RASGEF1A: variants seen among roughly 807,000 people sequenced by gnomAD.
The protein encoded by RASGEF1A is RasGEF domain family member 1A, also known as ras-GEF domain-containing family member 1A.
In RASGEF1A, 18 loss-of-function variants were observed where a neutral mutation model predicts 56.4. That is an observed-to-expected ratio of 0.32 (90% CI 0.22 to 0.47). The LOEUF (loss-of-function observed/expected upper bound fraction) is 0.47, where lower values mean the gene tolerates loss of function less well. RASGEF1A is among the 20% of genes least tolerant of loss of function. The pLI, the probability that RASGEF1A is intolerant of heterozygous loss-of-function variation, is 1.00. For synonymous variants in RASGEF1A, 245 were observed against 242.6 expected (o/e 1.01, Z -0.09); for missense variants, 422 against 627.1 (o/e 0.67, Z 3.49).
At chr10:43,237,845 A>G (rs978129265) in intron 1 of RASGEF1A, among the ~76,000 whole-genome samples, 1 of 152,140 alleles carries the variant, frequency 6.6e-6, no homozygotes, top group Admixed American at 6.5e-5. Flanking sequence ...TCTCTGCCTG[A>G]ATGTCCCAGG....
At chr10:43,218,412 G>A (rs1387468160) in intron 1 of RASGEF1A, among the ~76,000 whole-genome samples, 1 of 152,252 alleles carries the variant, frequency 6.6e-6, no homozygotes, top group East Asian at 1.9e-4. Context: ...AGCTGGCTCT[G>A]GTCTAGGGAT....
At chr10:43,208,145 C>T in intron 1 of RASGEF1A, 1 of 985,468 alleles carries the variant, frequency 1.0e-6, no homozygotes, top group African/African-American at 1.7e-5. Context: ...GACAACCTCC[C>T]CAAGATCACA....
At chr10:43,207,847 G>C in intron 1 of RASGEF1A, 1 of 541,336 alleles carries the variant, frequency 1.8e-6, no homozygotes, top group Non-Finnish European at 2.4e-6. Flanking sequence ...TCATTTTTCA[G>C]ATGGTGAAAC....
At chr10:43,251,554 C>T (rs575052932) in intron 1 of RASGEF1A, among the ~76,000 whole-genome samples, 3 of 152,286 alleles carry the variant, frequency 2.0e-5, no homozygotes, top group East Asian at 3.9e-4. Flanking sequence ...GCATGATGGA[C>T]GCCAGCCGCT....
At chr10:43,216,566 C>T (rs572014745) in intron 1 of RASGEF1A, among the ~76,000 whole-genome samples, 1 of 152,310 alleles carries the variant, frequency 6.6e-6, no homozygotes, top group African/African-American at 2.4e-5. Context: ...GGCCCTTTGC[C>T]TTAGTGAGGA....
chr10:43,211,143 TC>T (rs1840063791), intron 1 of RASGEF1A, among the ~76,000 whole-genome samples: 1 of 152,198 alleles, frequency 6.6e-6, no homozygotes, highest in African/African-American at 2.4e-5. Context: ...ACTCACTGTC[TC>T]CTGGAGGACG....
chr10:43,259,730 C>T (rs1020288035), intron 1 of RASGEF1A, among the ~76,000 whole-genome samples: 5 of 152,182 alleles, frequency 3.3e-5, no homozygotes, highest in Admixed American at 6.5e-5. Flanking sequence ...CACCGCTGCA[C>T]GTTCAGGGGC....
Position 43,196,541 on chromosome 10 carries a change from G to A in RASGEF1A, c.1356C>T (p.Phe452=), listed in dbSNP as rs765150963. 4.1e-5 allele frequency: 66 copies of A among 1,613,432 alleles called. No individual in the cohort carries two copies. Among genetic ancestry groups the A allele is most frequent in the Middle Eastern group, 1.6e-4 (1 of 6,084 alleles). Residue 452 remains phenylalanine, a synonymous_variant, in exon 12 of 13, where the codon TTC becomes TTT. Transcript: ENST00000395810. The surrounding 1 kb of genome is among the most constrained non-coding windows in gnomAD (Gnocchi z 4.6). ...TAPIYSEEAL[F]VASFESEGPE... ...GACCCTCACTTTCAAAGGAGGCGAC[G>A]AAGAGAGCTGAGAGATGGGAAAGTC...
intron 1 of RASGEF1A, among the ~76,000 whole-genome samples, chr10:43,228,592 C>A: frequency 6.6e-6 from 1 of 152,222 alleles, no homozygotes; most frequent in South Asian, 2.1e-4. Context: ...GTGGAAACTG[C>A]ACCATGTTGT....
chr10:43,264,370 G>A (rs1281280250), intron 1 of RASGEF1A, among the ~76,000 whole-genome samples: 4 of 151,370 alleles, frequency 2.6e-5, no homozygotes, highest in Middle Eastern at 3.4e-3. Context: ...ACAGCCATAG[G>A]GGAGGGCCTC....
In RASGEF1A at chr10:43,266,125, A is replaced by G. The variant is rs1231423323; in HGVS notation, c.-7+720T>C. On this transcript the variant is annotated intron_variant, in intron 1 of 12. Transcript: ENST00000395810. ...AGCACCCAGAGGCAGCCAGAAATGC[A>G]GGGCACAGGAACCTGCCAGCGCGTC... Among the ~76,000 whole-genome samples, 5 of 152,188 alleles carry G rather than the reference A, an allele frequency of 3.3e-5. No homozygotes were observed. In the East Asian group the frequency reaches 7.7e-4, roughly 23 times the overall value.
rs1354535035 is a variant in RASGEF1A at position 43,255,963 on chromosome 10, C to G, written c.-7+10882G>C. Among the ~76,000 whole-genome samples the G allele has an allele frequency of 2.0e-5, 3 of 152,308 alleles. No homozygotes were observed. The South Asian group carries it at 6.2e-4, about 32-fold the overall frequency. ...GATGCCCTCCTTCCTCCCCTGGTTG[C>G]CAACAATGCTAAAGCTGCACGCCTG... is the stretch of plus-strand genomic sequence containing the variant. On this transcript the variant is annotated intron_variant, in intron 1 of 12. Coordinates refer to ENST00000395810, the MANE Select transcript of RASGEF1A (RefSeq NM_145313.4).
intron 1 of RASGEF1A, among the ~76,000 whole-genome samples, chr10:43,252,613 A>G (rs1313833962): frequency 6.6e-6 from 1 of 152,124 alleles, no homozygotes; most frequent in Non-Finnish European, 1.5e-5. Context: ...AGGGGACGTG[A>G]CTGTGAGGCA....
intron 1 of RASGEF1A, among the ~76,000 whole-genome samples, chr10:43,210,297 C>G (rs1352373405): frequency 7.0e-6 from 1 of 143,172 alleles, no homozygotes; most frequent in Non-Finnish European, 1.5e-5. Context: ...CATAGAGACC[C>G]CTGTCTCTAC....
chr10:43,230,295 G>A (rs1183338595), intron 1 of RASGEF1A, among the ~76,000 whole-genome samples: 3 of 152,188 alleles, frequency 2.0e-5, no homozygotes, highest in Admixed American at 6.5e-5. Flanking sequence ...TTGGAACTCG[G>A]GGGACACGGC....
At chr10:43,203,804 C>A in intron 2 of RASGEF1A, 1 of 1,019,800 alleles carries the variant, frequency 9.8e-7, no homozygotes, top group Non-Finnish European at 1.2e-6. Context: ...CCTCGTGGGC[C>A]GAGCTGGAGG....
chr10:43,209,332 GC>G, intron 1 of RASGEF1A: 1 of 541,046 alleles, frequency 1.8e-6, no homozygotes, highest in Non-Finnish European at 2.4e-6. Context: ...CCAGGTCACA[GC>G]CAGAGGGCAA....
In RASGEF1A at chr10:43,217,752, C is replaced by G. The variant is rs149455649; in HGVS notation, c.-6-11630G>C. The stretch of plus-strand genomic sequence containing the variant: ...CAACAGCAGGTGCGCCACATCAGAG[C>G]CCCTTCCCACAACCGGGCTGCATCC... On this transcript the variant is annotated intron_variant, in intron 1 of 12. Transcript: ENST00000395810. Among the ~76,000 whole-genome samples the G allele has an allele frequency of 3.3e-3, 496 of 152,320 alleles. 2 individuals are homozygous for G. The highest frequency in any genetic ancestry group is 4.6e-3 in the South Asian group (22 of 4,832).
rs749740929 is a variant in RASGEF1A at position 43,234,692 on chromosome 10, C to T, written c.-6-28570G>A. Among the ~76,000 whole-genome samples the T allele has an allele frequency of 3.9e-4, 59 of 152,354 alleles. 1 individual carries two copies. Among genetic ancestry groups the T allele is most frequent in the African/African-American group, 1.4e-3 (59 of 41,578 alleles). On this transcript the variant is annotated intron_variant, in intron 1 of 12. Coordinates refer to ENST00000395810, the MANE Select transcript of RASGEF1A (RefSeq NM_145313.4). ...GCCACACCACACAGTCCAAGAGTTT[C>T]GGGTCCAAACCCTGAAGGTGATGGC...
Sources: gnomAD v4.1 joint callset for allele counts (sites outside exome capture counted in the v4.1 genomes callset) on GRCh38, gnomAD v4.1.1 for gene constraint, Gnocchi (gnomAD v3.1) non-coding constraint, MANE v1.5 for transcripts, NCBI Gene and HGNC (gene_info 2026-07-23, HGNC 2026-07-21) for gene names.